CLASP1: variants seen among roughly 807,000 people sequenced by gnomAD.
CLASP1 encodes the protein CLIP-associating protein 1.
CLASP1 carries 38 observed loss-of-function variants against 192.3 expected under a neutral mutation model. The ratio of observed to expected loss-of-function variants is 0.20; its 90% CI spans 0.15 to 0.26. CLASP1 has a LOEUF of 0.26. Among genes scored for constraint, CLASP1 ranks in the 10% least tolerant of loss-of-function variants. CLASP1 has a pLI of 1.00. For missense variants in CLASP1, 1,433 were observed against 1,932.5 expected, an observed-to-expected ratio of 0.74 and a Z score of 4.85; for synonymous variants, 691 against 712.8, an observed-to-expected ratio of 0.97 and a Z score of 0.49.
intron 8 of CLASP1, among the ~76,000 whole-genome samples, chr2:121,486,717 C>T (rs1248521540): frequency 6.6e-6 from 1 of 152,186 alleles, no homozygotes; most frequent in East Asian, 1.9e-4. Flanking sequence ...TTCTCTCATA[C>T]TTTAAAGTAA....
chr2:121,539,707 G>T (rs1215109115), intron 2 of CLASP1, among the ~76,000 whole-genome samples: 1 of 148,194 alleles, frequency 6.7e-6, no homozygotes, highest in Admixed American at 6.7e-5. Context: ...GCTAGAAGAA[G>T]ATATTACAAA....
chr2:121,555,931 T>C (rs1226871775), intron 2 of CLASP1, among the ~76,000 whole-genome samples: 5 of 148,210 alleles, frequency 3.4e-5, no homozygotes, highest in Admixed American at 3.4e-4. Context: ...CCCACCTTGG[T>C]CTCCCAAAGT....
intron 32 of CLASP1, among the ~76,000 whole-genome samples, chr2:121,385,600 G>C (rs562578811): frequency 6.6e-6 from 1 of 152,116 alleles, no homozygotes; most frequent in Non-Finnish European, 1.5e-5. Flanking sequence ...ACTTAGATTA[G>C]TCCAAATAAT....
intron 2 of CLASP1, among the ~76,000 whole-genome samples, chr2:121,555,330 CA>C (rs1559600371): frequency 6.6e-6 from 1 of 152,190 alleles, no homozygotes; most frequent in African/African-American, 2.4e-5. Flanking sequence ...CAGCCTGAGA[CA>C]GAAGTTGTGT....
intron 1 of CLASP1, among the ~76,000 whole-genome samples, chr2:121,625,717 A>T (rs975089955): frequency 1.1e-4 from 17 of 151,678 alleles, no homozygotes; most frequent in African/African-American, 3.9e-4. Context: ...TACAAGCATG[A>T]GCCACCGCGC....
intron 19 of CLASP1, among the ~76,000 whole-genome samples, chr2:121,433,337 A>G (rs999114616): frequency 3.3e-5 from 5 of 152,002 alleles, no homozygotes; most frequent in Admixed American, 1.3e-4. Context: ...AAAAAAAAAA[A>G]AAAGAAAATT....
At chr2:121,453,977 A>G (rs1223043170) in intron 14 of CLASP1, among the ~76,000 whole-genome samples, 1 of 152,204 alleles carries the variant, frequency 6.6e-6, no homozygotes, top group East Asian at 1.9e-4. Context: ...TAAGACATAC[A>G]GTTCTGACTG....
chr2:121,390,788 C>T (rs1438285641), intron 30 of CLASP1, among the ~76,000 whole-genome samples: 1 of 152,120 alleles, frequency 6.6e-6, no homozygotes, highest in Non-Finnish European at 1.5e-5. Context: ...TATTTCAAAA[C>T]CCTCAGACAT....
At chr2:121,631,908 G>A (rs1045285132) in intron 1 of CLASP1, among the ~76,000 whole-genome samples, 13 of 152,118 alleles carry the variant, frequency 8.5e-5, no homozygotes, top group African/African-American at 2.4e-4. Context: ...TTAGCTGGGC[G>A]TGGTGGCGTG....
At position 121,528,808 on chromosome 2, in the gene CLASP1, A is replaced by C. The variant is rs1470093137; in HGVS notation, c.275-28T>G. 3 of 1,558,762 alleles carry C rather than the reference A, an allele frequency of 1.9e-6. No individual in the cohort carries two copies. The African/African-American group carries it at 4.1e-5, about 21-fold the overall frequency. On this transcript the variant is annotated intron_variant, in intron 3 of 39. Coordinates refer to ENST00000263710, the Ensembl canonical transcript of CLASP1. ...GAAAATCAAAATGGAAACTGATCAAATGAAACCCTATTTGGGGGTCTGTGG... is the reference window on the plus strand; with the variant it reads ...GAAAATCAAAATGGAAACTGATCAACTGAAACCCTATTTGGGGGTCTGTGG...
chr2:121,416,500 G>A (rs905260561), intron 23 of CLASP1, among the ~76,000 whole-genome samples: 2 of 152,196 alleles, frequency 1.3e-5, no homozygotes, highest in Admixed American at 1.3e-4. Flanking sequence ...CAAAAAGGGT[G>A]GGAAGAGATT....
At chr2:121,381,709 G>A (rs1023028896) in intron 33 of CLASP1, among the ~76,000 whole-genome samples, 15 of 152,158 alleles carry the variant, frequency 9.9e-5, no homozygotes, top group Non-Finnish European at 1.6e-4. Flanking sequence ...CTGGATCTGT[G>A]TGCTCAGACT....
chr2:121,497,429 A>G (rs1188513479), intron 8 of CLASP1, among the ~76,000 whole-genome samples: 1 of 152,252 alleles, frequency 6.6e-6, no homozygotes, highest in Non-Finnish European at 1.5e-5. Context: ...TGTTTCAAAT[A>G]CAAGAGGAAA....
chr2:121,592,281 T>C (rs767487363), intron 2 of CLASP1, among the ~76,000 whole-genome samples: 17 of 152,370 alleles, frequency 1.1e-4, no homozygotes, highest in Middle Eastern at 6.8e-3. Flanking sequence ...TTGTATTCCC[T>C]TCATAATATT....
At chr2:121,617,155 C>A (rs1380273842) in intron 1 of CLASP1, among the ~76,000 whole-genome samples, 1 of 152,162 alleles carries the variant, frequency 6.6e-6, no homozygotes, top group Non-Finnish European at 1.5e-5. Flanking sequence ...CAGGTCCTTC[C>A]CTGTCTTCCA....
At chr2:121,386,859 T>C (rs1342610092) in intron 32 of CLASP1, among the ~76,000 whole-genome samples, 1 of 152,196 alleles carries the variant, frequency 6.6e-6, no homozygotes, top group African/African-American at 2.4e-5. Context: ...CTTTTAGTTG[T>C]AGGTACTATT....
intron 32 of CLASP1, among the ~76,000 whole-genome samples, chr2:121,386,720 T>C (rs1440019830): frequency 6.6e-6 from 1 of 152,252 alleles, no homozygotes; most frequent in Non-Finnish European, 1.5e-5. Flanking sequence ...GTTGAAAAAC[T>C]ACCCTAGACT....
intron 30 of CLASP1, among the ~76,000 whole-genome samples, chr2:121,395,219 AT>A (rs2075086082): frequency 6.6e-6 from 1 of 152,120 alleles, no homozygotes; most frequent in South Asian, 2.1e-4. Flanking sequence ...CAGAGAACAC[AT>A]GTCAGATTCC....
chr2:121,435,653 GA>G (rs768427423), intron 19 of CLASP1, among the ~76,000 whole-genome samples: 2 of 151,892 alleles, frequency 1.3e-5, no homozygotes, highest in Non-Finnish European at 2.9e-5. Flanking sequence ...CCTTCTTTTG[GA>G]TTAATTTTTT....
Sources: gnomAD v4.1 joint callset for allele counts (sites outside exome capture counted in the v4.1 genomes callset) on GRCh38, gnomAD v4.1.1 for gene constraint, MANE v1.5 for transcripts, NCBI Gene and HGNC (gene_info 2026-07-23, HGNC 2026-07-21) for gene names.